Variants in ADAM17 observed in about 807,000 individuals in gnomAD.
ADAM17 encodes ADAM metallopeptidase domain 17.
Under a neutral mutation model 96.7 loss-of-function variants are expected in ADAM17, and 39 were observed. That is an observed-to-expected ratio of 0.40 (90% confidence interval 0.31 to 0.53). The LOEUF (loss-of-function observed/expected upper bound fraction) is 0.53. ADAM17 is among the 20% of genes least tolerant of loss of function. The pLI is 0.44. For synonymous variants in ADAM17, 344 were observed against 359.2 expected, an observed-to-expected ratio of 0.96 and a Z score of 0.48; for missense variants, 777 against 1,013.2, an observed-to-expected ratio of 0.77 and a Z score of 3.17.
At position 9,555,763 on chromosome 2, in the gene ADAM17, G is replaced by A. The variant is rs951142967; in HGVS notation, c.-158C>T. ...GCCTACTGGGAAGATTCTACCGCCA[G>A]GCTCGACGCCCCCAGAAGTGCAGGT... On this transcript the variant is annotated 5_prime_UTR_variant, in exon 1 of 19. Coordinates refer to ENST00000310823, the MANE Select transcript of ADAM17 (RefSeq NM_003183.6). 1.8e-6 allele frequency: 1 copy of A among 561,094 alleles called. No individual in the cohort carries two copies. The highest frequency in any genetic ancestry group is 2.9e-6 in the Non-Finnish European group (1 of 346,286). The allele number at this position is 561,094 out of a possible 1,614,324, so 34.8% of individuals were successfully genotyped here.
At chr2:9,541,750 A>G (rs556074161) in intron 2 of ADAM17, among the ~76,000 whole-genome samples, 1 of 152,260 alleles carries the variant, frequency 6.6e-6, no homozygotes, top group South Asian at 2.1e-4. Context: ...TATATAAAGA[A>G]TAAAGATGGC....
At chr2:9,530,436 T>A (rs757020738) in intron 4 of ADAM17, among the ~76,000 whole-genome samples, 1 of 152,140 alleles carries the variant, frequency 6.6e-6, no homozygotes, top group Non-Finnish European at 1.5e-5. Flanking sequence ...ATACCTAACT[T>A]GAAGATTATG....
At chr2:9,506,951 G>C (rs541393759) in intron 11 of ADAM17, 1 of 152,118 alleles carries the variant, frequency 6.6e-6, no homozygotes, top group Admixed American at 6.5e-5. Flanking sequence ...GCTTCTGTTT[G>C]CATCCTTGTC....
intron 8 of ADAM17, among the ~76,000 whole-genome samples, chr2:9,520,575 A>T (rs1250079073): frequency 6.6e-6 from 1 of 152,176 alleles, no homozygotes. Context: ...CTAATGAAAC[A>T]GTGTGCAAAA....
intron 2 of ADAM17, among the ~76,000 whole-genome samples, chr2:9,538,944 CTT>C (rs1243033265): frequency 6.6e-6 from 1 of 152,146 alleles, no homozygotes; most frequent in Admixed American, 6.5e-5. Context: ...AGGTATATCA[CTT>C]TCATTTCTTT....
chr2:9,520,807 T>C (rs1313747943), intron 8 of ADAM17, among the ~76,000 whole-genome samples: 1 of 151,482 alleles, frequency 6.6e-6, no homozygotes, highest in African/African-American at 2.4e-5. Context: ...CTACTAAAAA[T>C]ACAAAAATTA....
At chr2:9,493,968 C>T (rs1411442701) in intron 15 of ADAM17, 143 bp from the exon 16 acceptor site, 13 of 620,480 alleles carry the variant, frequency 2.1e-5, no homozygotes, top group East Asian at 5.8e-5. Context: ...CAATAACTTC[C>T]GCGTAATGAG....
intron 16 of ADAM17, 121 bp from the exon 17 acceptor site, chr2:9,493,107 G>C: frequency 1.3e-6 from 1 of 756,210 alleles, no homozygotes; most frequent in Non-Finnish European, 2.1e-6. Flanking sequence ...ATACTACCGA[G>C]AGCAGAATGT....
intron 4 of ADAM17, among the ~76,000 whole-genome samples, chr2:9,528,494 T>C (rs1313282282): frequency 5.3e-5 from 8 of 152,232 alleles, no homozygotes; most frequent in Non-Finnish European, 8.8e-5. Flanking sequence ...TGAACCTTAT[T>C]ACTTGTTTCA....
chr2:9,548,148 C>T (rs1665468900), intron 1 of ADAM17, among the ~76,000 whole-genome samples: 1 of 151,550 alleles, frequency 6.6e-6, no homozygotes, highest in African/African-American at 2.4e-5. Flanking sequence ...GCCTGGCCAA[C>T]GTGGCAAAAC....
chr2:9,542,462 G>A (rs1665245158), intron 2 of ADAM17, among the ~76,000 whole-genome samples: 1 of 152,088 alleles, frequency 6.6e-6, no homozygotes, highest in Non-Finnish European at 1.5e-5. Flanking sequence ...GTAAAATCTA[G>A]ACCCAGCTCA....
chr2:9,543,528 G>A (rs1665297649), intron 1 of ADAM17, among the ~76,000 whole-genome samples: 2 of 152,188 alleles, frequency 1.3e-5, no homozygotes, highest in Non-Finnish European at 2.9e-5. Context: ...TTGCACTGAT[G>A]CCTTCCCTTT....
chr2:9,490,479 G>A lies in ADAM17; in HGVS notation c.2173C>T (p.Arg725Cys), dbSNP rs748342054. ...MLSSMDSASV[R>C]IIKPFPAPQT... ...GGCGCAGGAAAGGGTTTGATAATGC[G>A]AACCGATGCAGAATCCATGCTGCTC... The change falls in exon 19 of 19, where the codon CGC becomes TGC. Residue 725 changes from arginine (R) to cysteine (C), a missense_variant. Transcript: ENST00000310823. 61 of 1,613,936 alleles carry A rather than the reference G, an allele frequency of 3.8e-5. No homozygotes were observed. The South Asian group carries it at 4.0e-4, about 10-fold the overall frequency.
At chr2:9,550,903 C>CAAAAAAAAAAAA (rs33972062) in intron 1 of ADAM17, among the ~76,000 whole-genome samples, 5 of 97,844 alleles carry the variant, frequency 5.1e-5, no homozygotes, top group African/African-American at 7.6e-5. Flanking sequence ...ACTAAAAATA[C>CAAAAAAAAAAAA]AAAAAAAAAA....
rs762599369 is a variant in ADAM17, at chr2:9,543,221, C to A, written c.162G>T (p.Ser54=). 1.2e-6 allele frequency: 2 copies of A among 1,608,850 alleles called. No individual in the cohort carries two copies. Among genetic ancestry groups the A allele is most frequent in the East Asian group, 4.5e-5 (2 of 44,630 alleles). Reference sequence around the variant, plus strand: ...AAGTCTGTAGATCTCTTTTTCTTACCGAATGCTGCTGGATATTAGATAAAG... The same window carrying A: ...AAGTCTGTAGATCTCTTTTTCTTACAGAATGCTGCTGGATATTAGATAAAG... ...ILSLSNIQQH[S]VRKRDLQTST... Residue 54 remains serine (S), a synonymous_variant, in exon 2 of 19, where the codon TCG becomes TCT. Coordinates refer to ENST00000310823, the MANE Select transcript of ADAM17 (RefSeq NM_003183.6).
intron 4 of ADAM17, among the ~76,000 whole-genome samples, chr2:9,533,307 C>T (rs1444556891): frequency 6.6e-6 from 1 of 152,010 alleles, no homozygotes; most frequent in Non-Finnish European, 1.5e-5. Context: ...TCAGCACTTT[C>T]AGAGGCCGAG....
At chr2:9,523,177 GT>G (rs995367418) in intron 7 of ADAM17, 71 bp downstream of exon 7, 29 of 1,193,060 alleles carry the variant, frequency 2.4e-5, no homozygotes, top group African/African-American at 2.3e-4. Flanking sequence ...AAGTTTTTAG[GT>G]TTTGAATACA....
chr2:9,515,988 C>T (rs976457422), intron 10 of ADAM17, among the ~76,000 whole-genome samples: 1 of 152,112 alleles, frequency 6.6e-6, no homozygotes, highest in Admixed American at 6.5e-5. Flanking sequence ...GGATGGGTCT[C>T]AAACTCCTGG....
chr2:9,511,259 G>A (rs1435825498), intron 10 of ADAM17, among the ~76,000 whole-genome samples: 1 of 152,128 alleles, frequency 6.6e-6, no homozygotes, highest in Non-Finnish European at 1.5e-5. Flanking sequence ...GACCAGCCTG[G>A]CCAACATAGT....
Sources: gnomAD v4.1 joint callset for allele counts (sites outside exome capture counted in the v4.1 genomes callset) on GRCh38, gnomAD v4.1.1 for gene constraint, MANE v1.5 for transcripts, NCBI Gene and HGNC (gene_info 2026-07-23, HGNC 2026-07-21) for gene names.